TMTC2: variants seen among roughly 807,000 people sequenced by gnomAD.
The protein encoded by TMTC2 is transmembrane O-mannosyltransferase targeting cadherins 2.
A neutral mutation model predicts 82.4 loss-of-function variants in TMTC2; 43 were observed. The observed-to-expected ratio is 0.52, with a 90% CI of 0.41 to 0.67. TMTC2 has a LOEUF of 0.67. Ranked by LOEUF, TMTC2 falls within the 30% of genes least tolerant of loss-of-function variation. The pLI, the probability that TMTC2 is intolerant of heterozygous loss-of-function variation, is 0.00. For synonymous variants in TMTC2, 408 were observed against 381.9 expected (o/e 1.07, Z -0.80); for missense variants, 919 against 1,012.4 (o/e 0.91, Z 1.25).
intron 2 of TMTC2, among the ~76,000 whole-genome samples, chr12:82,862,941 A>G (rs925759283): frequency 3.3e-4 from 50 of 152,204 alleles, no homozygotes; most frequent in Non-Finnish European, 7.3e-5. Flanking sequence ...CACTAAAGGT[A>G]TTGAATGTAG....
At chr12:82,694,855 T>G (rs949921173) in intron 1 of TMTC2, among the ~76,000 whole-genome samples, 1 of 152,082 alleles carries the variant, frequency 6.6e-6, no homozygotes, top group African/African-American at 2.4e-5. Context: ...TATAAAAAAT[T>G]GCCTTGCGGT....
intron 1 of TMTC2, among the ~76,000 whole-genome samples, chr12:82,700,533 T>C (rs1214482206): frequency 6.6e-6 from 1 of 152,184 alleles, no homozygotes; most frequent in East Asian, 1.9e-4. Flanking sequence ...GATTTTGTAA[T>C]TGAAATTTTA....
chr12:83,092,766 G>C (rs1302477520), intron 11 of TMTC2, among the ~76,000 whole-genome samples: 1 of 152,146 alleles, frequency 6.6e-6, no homozygotes, highest in African/African-American at 2.4e-5. Flanking sequence ...CACCCCTCTA[G>C]CAAATAGTGT....
At chr12:83,044,828 T>C (rs970715827) in intron 9 of TMTC2, among the ~76,000 whole-genome samples, 33 of 152,370 alleles carry the variant, frequency 2.2e-4, no homozygotes, top group Admixed American at 9.1e-4. Context: ...TTAGTTGCAT[T>C]GATCCTGAGT....
chr12:82,831,174 A>G (rs763424225), intron 1 of TMTC2, among the ~76,000 whole-genome samples: 5 of 152,218 alleles, frequency 3.3e-5, no homozygotes, highest in Admixed American at 1.3e-4. Flanking sequence ...AATGACAGCT[A>G]AAAATGGTTT....
intron 7 of TMTC2, among the ~76,000 whole-genome samples, chr12:82,980,770 G>A (rs937927111): frequency 1.3e-5 from 2 of 151,806 alleles, no homozygotes; most frequent in Admixed American, 1.3e-4. Context: ...AGTCACGTAC[G>A]CATCACTCTA....
At chr12:82,729,277 A>AAT (rs1874635698) in intron 1 of TMTC2, among the ~76,000 whole-genome samples, 1 of 152,158 alleles carries the variant, frequency 6.6e-6, no homozygotes, top group Non-Finnish European at 1.5e-5. Flanking sequence ...AAGGTTTGTA[A>AAT]ACACCAATCA....
chr12:82,849,502 T>C (rs1295127910), intron 1 of TMTC2, among the ~76,000 whole-genome samples: 1 of 152,054 alleles, frequency 6.6e-6, no homozygotes, highest in Non-Finnish European at 1.5e-5. Flanking sequence ...AATTTAAAAA[T>C]AGATATAGGA....
Position 83,072,408 on chromosome 12 carries a change from G to A in TMTC2, c.2331+10577G>A, listed in dbSNP as rs373958556. 8.5e-5 allele frequency among the ~76,000 whole-genome samples: 13 copies of A among 152,190 alleles called. No homozygotes were observed. The East Asian group carries it at 1.2e-3, about 14-fold the overall frequency. On this transcript the variant is annotated intron_variant, in intron 11 of 11. Transcript: ENST00000321196. ...AATTTTCTTAAATTTATTGAGGCTCGTTTTGTGGCCTATCATATGGTCTGT... is the reference window on the plus strand; with the variant it reads ...AATTTTCTTAAATTTATTGAGGCTCATTTTGTGGCCTATCATATGGTCTGT...
chr12:83,053,259 A>G (rs901935709), intron 10 of TMTC2, among the ~76,000 whole-genome samples: 2 of 152,066 alleles, frequency 1.3e-5, no homozygotes, highest in Non-Finnish European at 2.9e-5. Flanking sequence ...TTTTCTCAGG[A>G]ACTATGTCCT....
chr12:82,952,604 G>A (rs1877405837), intron 4 of TMTC2, among the ~76,000 whole-genome samples: 1 of 152,160 alleles, frequency 6.6e-6, no homozygotes, highest in Non-Finnish European at 1.5e-5. Context: ...CAAGTCCAGT[G>A]GTGCAATCTT....
intron 8 of TMTC2, among the ~76,000 whole-genome samples, chr12:82,991,788 C>T (rs1879413513): frequency 6.6e-6 from 1 of 152,186 alleles, no homozygotes; most frequent in African/African-American, 2.4e-5. Context: ...AATAACATTT[C>T]CATTAATATG....
intron 1 of TMTC2, among the ~76,000 whole-genome samples, chr12:82,735,058 A>T (rs1875013972): frequency 6.6e-6 from 1 of 152,204 alleles, no homozygotes; most frequent in Non-Finnish European, 1.5e-5. Context: ...ACAGATACTT[A>T]TTGAATCCTA....
chr12:82,737,865 T>C (rs925437167), intron 1 of TMTC2, among the ~76,000 whole-genome samples: 5 of 152,204 alleles, frequency 3.3e-5, no homozygotes, highest in African/African-American at 1.2e-4. Flanking sequence ...TAAATACCAG[T>C]GCCCAAAGGG....
intron 1 of TMTC2, among the ~76,000 whole-genome samples, chr12:82,781,771 A>G (rs749323474): frequency 7.0e-6 from 1 of 142,330 alleles, no homozygotes; most frequent in Non-Finnish European, 1.5e-5. Context: ...GCTCATCTCT[A>G]CATGCCTAGG....
chr12:82,878,576 T>A (rs1450279444), intron 2 of TMTC2, among the ~76,000 whole-genome samples: 1 of 152,174 alleles, frequency 6.6e-6, no homozygotes, highest in Non-Finnish European at 1.5e-5. Flanking sequence ...ACGAGGGGAC[T>A]TTGAAACAGT....
intron 1 of TMTC2, among the ~76,000 whole-genome samples, chr12:82,823,891 C>CTATTTTT (rs1869254715): frequency 6.8e-6 from 1 of 146,646 alleles, no homozygotes; most frequent in Non-Finnish European, 1.5e-5. Context: ...GGCCATTATT[C>CTATTTTT]TATTTTTTTT....
At chr12:83,036,092 G>A (rs1881651266) in intron 9 of TMTC2, among the ~76,000 whole-genome samples, 1 of 152,040 alleles carries the variant, frequency 6.6e-6, no homozygotes, top group Non-Finnish European at 1.5e-5. Flanking sequence ...AAAAAGCTAT[G>A]GCCCCATTAT....
At chr12:82,788,487 T>C (rs891974155) in intron 1 of TMTC2, among the ~76,000 whole-genome samples, 1 of 151,956 alleles carries the variant, frequency 6.6e-6, no homozygotes. Context: ...CACAGTGGGG[T>C]TGCTTGAGTG....
Sources: gnomAD v4.1 joint callset for allele counts (sites outside exome capture counted in the v4.1 genomes callset) on GRCh38, gnomAD v4.1.1 for gene constraint, MANE v1.5 for transcripts, NCBI Gene and HGNC (gene_info 2026-07-23, HGNC 2026-07-21) for gene names.